MPND: variants seen among roughly 807,000 people sequenced by gnomAD.
MPND encodes MPN domain-containing protein.
A neutral mutation model predicts 59.2 loss-of-function variants in MPND; 56 were observed. The ratio of observed to expected loss-of-function variants is 0.95; its 90% CI spans 0.76 to 1.18. The LOEUF (loss-of-function observed/expected upper bound fraction) is 1.18, where lower values mean the gene tolerates loss of function less well. Ranked by LOEUF, MPND falls within the 50% of genes most tolerant of loss-of-function variation. The pLI, the probability that MPND is intolerant of heterozygous loss-of-function variation, is 0.00. For missense variants in MPND, 671 were observed against 676.0 expected (o/e 0.99, Z 0.08); for synonymous variants, 323 against 291.9 (o/e 1.11, Z -1.09).
intron 3 of MPND, among the ~76,000 whole-genome samples, chr19:4,351,878 A>AAAAAAAAG (rs1972326458): frequency 7.0e-6 from 1 of 142,096 alleles, no homozygotes; most frequent in Admixed American, 7.0e-5. Flanking sequence ...AAAAAAAAAA[A>AAAAAAAAG]AAGAATAGAG....
In MPND at chr19:4,345,844, A is replaced by C; in HGVS notation, c.394A>C (p.Lys132Gln). Residue 132 changes from lysine to glutamine, a missense_variant, in exon 3 of 13, where the codon AAG becomes CAG. Transcript: ENST00000599840. Reference protein sequence around the residue: ...NSPSAWATHCKKLVNPAKKSG... With the variant: ...NSPSAWATHCQKLVNPAKKSG... ...ACCCAGCGCCTGGGCCACCCACTGC[A>C]AGAAGCTGGTGAACCCTGCCAAGAA... 6.2e-7 allele frequency: 1 copy of C among 1,614,100 alleles called. No homozygotes were observed. Among genetic ancestry groups the C allele is most frequent in the Non-Finnish European group, 8.5e-7 (1 of 1,180,026 alleles).
At chr19:4,355,336 C>CTTTTTTT (rs3048292) in intron 8 of MPND, among the ~76,000 whole-genome samples, 163 bp downstream of exon 8, 9 of 124,442 alleles carry the variant, frequency 7.2e-5, no homozygotes, top group African/African-American at 2.5e-4. Flanking sequence ...AAGAACACTG[C>CTTTTTTT]TTTTTTTTTT....
chr19:4,354,924 CT>C, intron 6 of MPND, 24 bp from the exon 7 acceptor site: 1 of 1,566,946 alleles, frequency 6.4e-7, no homozygotes, highest in African/African-American at 1.3e-5. Flanking sequence ...CTGAGCCAGT[CT>C]TTTGCTGTTC....
intron 3 of MPND, chr19:4,347,380 A>T (rs1972209382): frequency 6.6e-6 from 1 of 152,026 alleles, no homozygotes. Flanking sequence ...AGCTGGGACT[A>T]CAGGCACCCA....
Position 4,343,794 on chromosome 19 carries a change from C to T in MPND, c.94C>T (p.Arg32Trp). 2 of 1,207,012 alleles carry T rather than the reference C, an allele frequency of 1.7e-6. No individual in the cohort carries two copies. Among genetic ancestry groups the T allele is most frequent in the Non-Finnish European group, 2.1e-6 (2 of 971,888 alleles). 74.8% of individuals were successfully genotyped at this position (1,207,012 alleles called of 1,614,324 possible). The stretch of plus-strand genomic sequence containing the variant: ...CGAAGCGGAGGCCGAGGACCCTGAG[C>T]GGCCGAATGCGGGAGCGGGCGGTGG... Reference protein sequence around the residue: ...EDEAEAEDPERPNAGAGGGRS... With the variant: ...EDEAEAEDPEWPNAGAGGGRS... Residue 32 changes from arginine (R) to tryptophan (W), a missense_variant, in exon 2 of 13, where the codon CGG becomes TGG. Coordinates refer to ENST00000599840, the MANE Select transcript of MPND (RefSeq NM_001300862.2).
chr19:4,345,040 C>CTTTTTTTTT (rs773615575), intron 2 of MPND, among the ~76,000 whole-genome samples: 2 of 66,438 alleles, frequency 3.0e-5, no homozygotes, highest in Non-Finnish European at 5.5e-5. Flanking sequence ...CATGCCCGGC[C>CTTTTTTTTT]TTTTTTTTTT....
rs1199143793 is a variant in MPND, at chr19:4,345,869, A to G, written c.419A>G (p.Lys140Arg). 6.2e-7 allele frequency: 1 copy of G among 1,613,966 alleles called. No individual in the cohort carries two copies. Among genetic ancestry groups the G allele is most frequent in the African/African-American group, 1.3e-5 (1 of 74,946 alleles). Residue 140 changes from lysine (K) to arginine (R), a missense_variant, in exon 3 of 13, where the codon AAG (lysine) becomes AGG (arginine). Transcript: ENST00000599840. ...AAGAAGCTGGTGAACCCTGCCAAGA[A>G]GTCGGGCTGTGGCTGGGCCTCTGTC... is the stretch of plus-strand genomic sequence containing the variant. ...HCKKLVNPAK[K>R]SGCGWASVKY... is the part of the protein sequence containing the mutation.
intron 3 of MPND, among the ~76,000 whole-genome samples, chr19:4,350,091 G>C (rs1003162705): frequency 2.7e-5 from 4 of 149,494 alleles, no homozygotes; most frequent in Non-Finnish European, 5.9e-5. Context: ...GGTTGGGGGG[G>C]CTTCACTGAG....
At chr19:4,346,847 T>C (rs1568394953) in intron 3 of MPND, among the ~76,000 whole-genome samples, 1 of 150,340 alleles carries the variant, frequency 6.7e-6, no homozygotes, top group Non-Finnish European at 1.5e-5. Flanking sequence ...CTGGCCAACA[T>C]GGTGAAACCC....
chr19:4,355,336 CTTT>C (rs3048292), intron 8 of MPND, among the ~76,000 whole-genome samples, 163 bp downstream of exon 8: 4 of 124,448 alleles, frequency 3.2e-5, no homozygotes, highest in Admixed American at 8.8e-5. Context: ...AAGAACACTG[CTTT>C]TTTTTTTTTT....
At chr19:4,344,781 C>G (rs973442576) in intron 2 of MPND, among the ~76,000 whole-genome samples, 13 of 149,366 alleles carry the variant, frequency 8.7e-5, no homozygotes, top group African/African-American at 3.0e-4. Flanking sequence ...CTTTTTTGCC[C>G]AGGCTGGAAT....
chr19:4,349,571 C>T lies in MPND; in HGVS notation c.532-3326C>T, dbSNP rs147089061. Among the ~76,000 whole-genome samples the T allele has an allele frequency of 4.4e-3, 661 of 150,556 alleles. 8 individuals carry two copies. Among genetic ancestry groups the T allele is most frequent in the African/African-American group, 0.013 (549 of 40,978 alleles). ...TGTTGCCCAGGCTGGAGCGCAATGG[C>T]GTGATCTTGGCTCACTGCAACCTCC... On this transcript the variant is annotated intron_variant, in intron 3 of 12. Transcript: ENST00000599840.
rs905010643 is a variant in MPND at position 4,343,587 on chromosome 19, C to G, written c.-7C>G. 6 of 1,219,420 alleles carry G rather than the reference C, an allele frequency of 4.9e-6. No homozygotes were observed. The highest frequency in any genetic ancestry group is 1.6e-5 in the African/African-American group (1 of 63,718). 75.5% of individuals were successfully genotyped at this position (1,219,420 alleles called of 1,614,324 possible). A position where few individuals can be genotyped will look rare whatever the true frequency, so the allele number is the denominator to read the frequency against. On this transcript the variant is annotated 5_prime_UTR_variant, in exon 1 of 13. Transcript: ENST00000599840. ...GTCTAGAGCTCCGGGCGCGGGGAGG[C>G]GCGGCCATGGCAGGTACGGCGGGCC... is the stretch of plus-strand genomic sequence containing the variant.
At chr19:4,356,152 T>C (rs1158581521) in intron 8 of MPND, among the ~76,000 whole-genome samples, 1 of 152,102 alleles carries the variant, frequency 6.6e-6, no homozygotes, top group Non-Finnish European at 1.5e-5. Flanking sequence ...GCGCCCAGCC[T>C]AAGAGCACTG....
chr19:4,355,517 A>T (rs1972419323), intron 8 of MPND, among the ~76,000 whole-genome samples: 1 of 151,948 alleles, frequency 6.6e-6, no homozygotes, highest in South Asian at 2.1e-4. Flanking sequence ...TTGTGTTTTT[A>T]GTAGAGACGG....
intron 3 of MPND, chr19:4,347,242 T>C (rs965842551): frequency 1.4e-5 from 2 of 141,846 alleles, no homozygotes; most frequent in African/African-American, 3.1e-5. Flanking sequence ...TTCGTAGATA[T>C]GTTTTTTTTT....
rs1599569829 is a variant in MPND, at chr19:4,349,965, G to A, written c.532-2932G>A. On this transcript the variant is annotated intron_variant, in intron 3 of 12. Transcript: ENST00000599840. ...ACACAGGAAACCATTCTTTCAGTATGTATTCAGTTAGTGGCCAACTGTGTG... is the reference window on the plus strand; with the variant it reads ...ACACAGGAAACCATTCTTTCAGTATATATTCAGTTAGTGGCCAACTGTGTG... Among the ~76,000 whole-genome samples, 3 of 152,222 alleles carry A rather than the reference G, an allele frequency of 2.0e-5. No homozygotes were observed. The South Asian group carries it at 6.2e-4, about 31-fold the overall frequency.
intron 8 of MPND, 54 bp downstream of exon 8, chr19:4,355,227 C>T: frequency 1.9e-6 from 3 of 1,581,678 alleles, no homozygotes; most frequent in Non-Finnish European, 1.7e-6. Flanking sequence ...AGGGACATAG[C>T]TGTCCTGGCG....
chr19:4,353,300 C>T (rs924895794), intron 4 of MPND, among the ~76,000 whole-genome samples: 3 of 152,118 alleles, frequency 2.0e-5, no homozygotes, highest in Non-Finnish European at 2.9e-5. Context: ...TGGAGTCTCC[C>T]TCTGTCGCCC....
Sources: allele counts gnomAD v4.1 joint callset (sites outside exome capture counted in the v4.1 genomes callset), GRCh38; gene constraint gnomAD v4.1.1; transcripts MANE v1.5; gene names NCBI Gene and HGNC (gene_info 2026-07-23, HGNC 2026-07-21).